CTNNA2: variants seen among roughly 807,000 people sequenced by gnomAD.
CTNNA2 encodes catenin alpha 2.
Under a neutral mutation model 101.0 loss-of-function variants are expected in CTNNA2, and 42 were observed. That is an observed-to-expected ratio of 0.42 (90% confidence interval 0.32 to 0.54). The LOEUF (loss-of-function observed/expected upper bound fraction) is 0.54. Among genes scored for constraint, CTNNA2 ranks in the 20% least tolerant of loss-of-function variants. The probability of loss-of-function intolerance (pLI) is 0.14; values close to 1 mark genes in which losing one functional copy is unlikely to be tolerated. For synonymous variants in CTNNA2, 450 were observed against 456.4 expected (o/e 0.99, Z 0.18); for missense variants, 871 against 1,223.1 (o/e 0.71, Z 4.29).
At chr2:79,496,680 G>A (rs1671259791) in intron 4 of CTNNA2, among the ~76,000 whole-genome samples, 1 of 147,966 alleles carries the variant, frequency 6.8e-6, no homozygotes, top group East Asian at 2.0e-4. Flanking sequence ...CTCTTTTTTT[G>A]TCTAGCCCTA....
intron 12 of CTNNA2, among the ~76,000 whole-genome samples, chr2:80,560,730 C>G (rs562111112): frequency 6.6e-6 from 1 of 152,128 alleles, no homozygotes; most frequent in Admixed American, 6.6e-5. Flanking sequence ...AAATATAGCT[C>G]TAGTCTCAGT....
intron 3 of CTNNA2, among the ~76,000 whole-genome samples, chr2:79,839,658 C>CT (rs1332693970): frequency 6.6e-6 from 1 of 151,716 alleles, no homozygotes; most frequent in Non-Finnish European, 1.5e-5. Flanking sequence ...CTTCAGCTAT[C>CT]TTCTAGTTTT....
chr2:79,714,835 T>A (rs1040085021), intron 2 of CTNNA2, among the ~76,000 whole-genome samples: 1 of 151,980 alleles, frequency 6.6e-6, no homozygotes, highest in African/African-American at 2.4e-5. Flanking sequence ...TTATAAAGGA[T>A]GTTAATCAAC....
chr2:79,798,265 A>G (rs1357436648), intron 3 of CTNNA2, among the ~76,000 whole-genome samples: 3 of 152,322 alleles, frequency 2.0e-5, no homozygotes, highest in African/African-American at 4.8e-5. Flanking sequence ...TCCCCTAGGC[A>G]TCGGACTCCT....
chr2:79,352,784 T>G (rs962409589), intron 3 of CTNNA2, among the ~76,000 whole-genome samples: 4 of 152,298 alleles, frequency 2.6e-5, no homozygotes, highest in African/African-American at 9.6e-5. Flanking sequence ...CTCACACAGC[T>G]ATAAAGACAT....
chr2:79,534,628 G>C (rs929219715), intron 1 of CTNNA2, among the ~76,000 whole-genome samples: 3 of 151,782 alleles, frequency 2.0e-5, no homozygotes, highest in Non-Finnish European at 4.4e-5. Flanking sequence ...CTTAACCCAT[G>C]ATCACCTAGA....
intron 9 of CTNNA2, among the ~76,000 whole-genome samples, chr2:80,475,676 T>C (rs887135780): frequency 6.6e-6 from 1 of 152,148 alleles, no homozygotes; most frequent in Non-Finnish European, 1.5e-5. Context: ...CACATATGCA[T>C]TTGAAGAGCT....
chr2:79,748,354 A>G (rs1671782120), intron 3 of CTNNA2, among the ~76,000 whole-genome samples: 1 of 152,224 alleles, frequency 6.6e-6, no homozygotes, highest in Non-Finnish European at 1.5e-5. Flanking sequence ...CTGTTTTCCA[A>G]TATGCAAGAT....
intron 7 of CTNNA2, among the ~76,000 whole-genome samples, chr2:80,092,596 C>A (rs1026018431): frequency 6.6e-6 from 1 of 152,088 alleles, no homozygotes; most frequent in Non-Finnish European, 1.5e-5. Context: ...TTCAACATAT[C>A]CTTTTTCAAC....
At chr2:80,300,277 TTGGGGTGTGTGTGTG>T (rs1573635472) in intron 7 of CTNNA2, among the ~76,000 whole-genome samples, 1 of 104,440 alleles carries the variant, frequency 9.6e-6, no homozygotes, top group East Asian at 3.0e-4. Context: ...AGCTGGGGTG[TTGGGGTGTGTGTGTG>T]TGTGTGTGTG....
intron 3 of CTNNA2, among the ~76,000 whole-genome samples, chr2:79,752,032 G>A (rs1421853473): frequency 6.6e-6 from 1 of 152,068 alleles, no homozygotes; most frequent in Non-Finnish European, 1.5e-5. Context: ...CTAATTAATT[G>A]GGAAGTCTTT....
chr2:80,448,541 G>A (rs1247938765), intron 9 of CTNNA2, among the ~76,000 whole-genome samples: 2 of 152,190 alleles, frequency 1.3e-5, no homozygotes. Flanking sequence ...CACCCCTAGA[G>A]ATGCTCATTC....
chr2:80,021,384 ATCATTTGT>A (rs1694554396), intron 7 of CTNNA2, among the ~76,000 whole-genome samples: 1 of 152,116 alleles, frequency 6.6e-6, no homozygotes, highest in South Asian at 2.1e-4. Flanking sequence ...TGGGACTGGA[ATCATTTGT>A]TCAATTATCC....
intron 1 of CTNNA2, among the ~76,000 whole-genome samples, chr2:79,601,203 T>C (rs1251317354): frequency 6.6e-6 from 1 of 152,240 alleles, no homozygotes; most frequent in East Asian, 1.9e-4. Flanking sequence ...TACGTTCTTA[T>C]GTATAAGACT....
chr2:79,823,066 A>G (rs1373470910), intron 3 of CTNNA2, among the ~76,000 whole-genome samples: 2 of 152,140 alleles, frequency 1.3e-5, no homozygotes, highest in Non-Finnish European at 2.9e-5. Flanking sequence ...AGAGTTCCTT[A>G]TCAACTTTAC....
At chr2:80,194,640 T>C (rs1161548041) in intron 7 of CTNNA2, among the ~76,000 whole-genome samples, 1 of 151,660 alleles carries the variant, frequency 6.6e-6, no homozygotes, top group East Asian at 1.9e-4. Flanking sequence ...AAAAAAAGAT[T>C]AGGTAATAAG....
At chr2:79,545,091 CAG>C (rs1468801395) in intron 1 of CTNNA2, among the ~76,000 whole-genome samples, 7 of 152,200 alleles carry the variant, frequency 4.6e-5, no homozygotes, top group Non-Finnish European at 1.0e-4. Flanking sequence ...AGCACCGTTG[CAG>C]AGACAGTTGT....
intron 2 of CTNNA2, among the ~76,000 whole-genome samples, chr2:79,669,552 T>C (rs367729804): frequency 1.3e-5 from 2 of 152,284 alleles, no homozygotes; most frequent in South Asian, 2.1e-4. Context: ...CTCCGCTCTA[T>C]AGGCAGATTG....
rs11267995 is a variant in CTNNA2 at position 79,384,376 on chromosome 2, TTCTCTCTCTCTCTCTCTCTCTCTCTCTC to T, written c.-135+10394_-135+10421del. On this transcript the variant is annotated intron_variant, in intron 4 of 21. Coordinates refer to the CTNNA2 transcript ENST00000466387. ...CCCTGGTAATTTGAATGCATATTTCTTCTCTCTCTCTCTCTCTCTCTCTCTCTCTCTCTCTCTCTCTCTCTCTCTCTCT... is the reference window on the plus strand; with the variant it reads ...CCCTGGTAATTTGAATGCATATTTCTTCTCTCTCTCTCTCTCTCTCTCTCT... 2.3e-3 allele frequency among the ~76,000 whole-genome samples: 243 copies of T among 104,598 alleles called. 1 individual carries two copies. The highest frequency in any genetic ancestry group is 4.9e-3 in the Middle Eastern group (1 of 206). The allele number at this position is 104,598 out of a possible 152,430, so 68.6% of individuals were successfully genotyped here. A position where few individuals can be genotyped will look rare whatever the true frequency, so the allele number is the denominator to read the frequency against.
Sources: gnomAD v4.1 joint callset for allele counts (sites outside exome capture counted in the v4.1 genomes callset) on GRCh38, gnomAD v4.1.1 for gene constraint, MANE v1.5 for transcripts, NCBI Gene and HGNC (gene_info 2026-07-23, HGNC 2026-07-21) for gene names.